Variants in CLASP2 observed in about 807,000 individuals in gnomAD.
CLASP2 encodes CLIP-associating protein 2.
Under a neutral mutation model 194.4 loss-of-function variants are expected in CLASP2, and 47 were observed. The observed-to-expected ratio is 0.24, with a 90% CI of 0.19 to 0.31. CLASP2 has a LOEUF of 0.31. Ranked by LOEUF, CLASP2 falls within the 10% of genes least tolerant of loss-of-function variation. The probability of loss-of-function intolerance (pLI) is 1.00; values close to 1 mark genes in which losing one functional copy is unlikely to be tolerated. For synonymous variants in CLASP2, 619 were observed against 633.5 expected, an observed-to-expected ratio of 0.98 and a Z score of 0.34; for missense variants, 1,445 against 1,823.6, an observed-to-expected ratio of 0.79 and a Z score of 3.78.
chr3:33,602,382 T>C, intron 18 of CLASP2: 1 of 619,300 alleles, frequency 1.6e-6, no homozygotes, highest in South Asian at 1.9e-5. Context: ...TCTGGCGATC[T>C]GCCTGCTTAG....
At chr3:33,517,276 G>T in intron 34 of CLASP2, 102 bp from the exon 35 acceptor site, 2 of 878,400 alleles carry the variant, frequency 2.3e-6, no homozygotes, top group Non-Finnish European at 3.3e-6. Context: ...TAACCATCAT[G>T]TTTGCTGTAA....
intron 7 of CLASP2, among the ~76,000 whole-genome samples, chr3:33,656,380 A>T (rs1328501627): frequency 6.6e-6 from 1 of 152,244 alleles, no homozygotes; most frequent in South Asian, 2.1e-4. Flanking sequence ...AGAAGGAAAT[A>T]TAAATAACCA....
intron 21 of CLASP2, among the ~76,000 whole-genome samples, chr3:33,589,366 AC>A (rs1336961758): frequency 6.6e-6 from 1 of 151,968 alleles, no homozygotes; most frequent in Non-Finnish European, 1.5e-5. Flanking sequence ...GATCTGAGAG[AC>A]TTTTTTTTTC....
intron 6 of CLASP2, among the ~76,000 whole-genome samples, chr3:33,671,374 G>C (rs762297221): frequency 1.3e-5 from 2 of 152,128 alleles, no homozygotes; most frequent in African/African-American, 2.4e-5. Flanking sequence ...AAAAAAGAGA[G>C]AGCAAGTAAC....
At chr3:33,508,450 C>A (rs985502174) in intron 37 of CLASP2, among the ~76,000 whole-genome samples, 5 of 152,134 alleles carry the variant, frequency 3.3e-5, no homozygotes, top group African/African-American at 1.2e-4. Flanking sequence ...CCCGCCCCAG[C>A]CTCCTGAGTA....
rs1336038451 is a variant in CLASP2 at position 33,576,225 on chromosome 3, C to T, written c.2398G>A (p.Ala800Thr). ...GAACCTGTGTTCAGGACTCGCATGG[C>T]ACTAACAGAAGACGACAGTCGACTT... ...QSSRLSSSVSAMRVLNTGSDV... is the reference protein window; with the variant it reads ...QSSRLSSSVSTMRVLNTGSDV... The change falls in exon 24 of 39, where the codon GCC becomes ACC. Residue 800 changes from alanine (A) to threonine (T), a missense_variant. Around this residue, in one of 4 missense-constraint regions of CLASP2, gnomAD observed 732 missense variants for 987.9 expected, o/e 0.74. Coordinates refer to ENST00000682230, the MANE Select transcript of CLASP2 (RefSeq NM_001365631.1). 2 of 1,613,856 alleles carry T rather than the reference C, an allele frequency of 1.2e-6. No homozygotes were observed. Among genetic ancestry groups the T allele is most frequent in the South Asian group, 2.2e-5 (2 of 91,068 alleles).
At chr3:33,658,817 C>T (rs902709340) in intron 7 of CLASP2, among the ~76,000 whole-genome samples, 2 of 152,178 alleles carry the variant, frequency 1.3e-5, no homozygotes, top group African/African-American at 4.8e-5. Flanking sequence ...GACATGCACA[C>T]ACATGCATAA....
intron 15 of CLASP2, among the ~76,000 whole-genome samples, chr3:33,607,084 T>C (rs1283693986): frequency 6.6e-6 from 1 of 152,202 alleles, no homozygotes; most frequent in Non-Finnish European, 1.5e-5. Flanking sequence ...AAATAACATA[T>C]AACAAGTACT....
At chr3:33,546,884 C>T (rs1478602442) in intron 30 of CLASP2, among the ~76,000 whole-genome samples, 2 of 152,104 alleles carry the variant, frequency 1.3e-5, no homozygotes, top group Non-Finnish European at 2.9e-5. Flanking sequence ...TGATGAAATC[C>T]AACTTATCTG....
intron 37 of CLASP2, among the ~76,000 whole-genome samples, chr3:33,508,529 A>G (rs2048918915): frequency 6.6e-6 from 1 of 152,050 alleles, no homozygotes; most frequent in African/African-American, 2.4e-5. Context: ...GGGTTTCACC[A>G]TGTTGGCCAG....
At chr3:33,522,226 C>T (rs1463549491) in intron 34 of CLASP2, among the ~76,000 whole-genome samples, 1 of 152,062 alleles carries the variant, frequency 6.6e-6, no homozygotes, top group East Asian at 1.9e-4. Context: ...TTTTTGGGAG[C>T]CAGACATTAA....
At chr3:33,708,385 T>C (rs1411264956) in intron 1 of CLASP2, among the ~76,000 whole-genome samples, 1 of 151,070 alleles carries the variant, frequency 6.6e-6, no homozygotes, top group East Asian at 1.9e-4. Flanking sequence ...TCCAGGTTCA[T>C]CCATGTTGTC....
intron 30 of CLASP2, among the ~76,000 whole-genome samples, chr3:33,546,032 C>T (rs1329517559): frequency 2.0e-5 from 3 of 152,074 alleles, no homozygotes; most frequent in Non-Finnish European, 2.9e-5. Context: ...TTAATATTTG[C>T]AGTTTGAAAA....
chr3:33,549,094 T>C (rs1427756474), intron 30 of CLASP2, among the ~76,000 whole-genome samples: 1 of 152,116 alleles, frequency 6.6e-6, no homozygotes, highest in Admixed American at 6.5e-5. Context: ...ACCCAGCACA[T>C]TTGTAATTCC....
At chr3:33,652,830 G>A (rs2083438833) in intron 7 of CLASP2, among the ~76,000 whole-genome samples, 2 of 151,862 alleles carry the variant, frequency 1.3e-5, no homozygotes, top group African/African-American at 4.9e-5. Flanking sequence ...CTACTCAGCT[G>A]CTCAGGCTCA....
At position 33,560,861 on chromosome 3, in the gene CLASP2, A is replaced by G. The variant is rs1471055017; in HGVS notation, c.2877T>C (p.Ala959=). ...LLTQLLKKMG[A]DLLGSVQAKV... is the part of the protein sequence containing the mutation. ...TTGCCTGAACAGATCCAAGCAAATC[A>G]GCACCCATTTTTTTTAGTAGTTGTG... Residue 959 remains alanine (A), a synonymous_variant, in exon 28 of 39, where the codon GCT becomes GCC. Coordinates refer to ENST00000682230, the MANE Select transcript of CLASP2 (RefSeq NM_001365631.1). 5 of 1,613,996 alleles carry G rather than the reference A, an allele frequency of 3.1e-6. No individual in the cohort carries two copies. Among genetic ancestry groups the G allele is most frequent in the East Asian group, 4.5e-5 (2 of 44,876 alleles).
chr3:33,539,951 CTT>C (rs1162263734), intron 32 of CLASP2, among the ~76,000 whole-genome samples: 24 of 146,004 alleles, frequency 1.6e-4, no homozygotes, highest in African/African-American at 6.1e-4. Flanking sequence ...GAGTTTCACT[CTT>C]GTTGCCCAGG....
chr3:33,717,770 G>T, intron 1 of CLASP2, 38 bp downstream of exon 1: 1 of 1,545,040 alleles, frequency 6.5e-7, no homozygotes, highest in Non-Finnish European at 8.7e-7. Flanking sequence ...GGCTGCCGCG[G>T]AGGGCGTGAC....
chr3:33,610,377 T>C (rs1018087180), intron 13 of CLASP2, among the ~76,000 whole-genome samples: 1 of 152,194 alleles, frequency 6.6e-6, no homozygotes, highest in African/African-American at 2.4e-5. Flanking sequence ...CTGAAACCTT[T>C]CATTTATCAT....
Sources: allele counts gnomAD v4.1 joint callset (sites outside exome capture counted in the v4.1 genomes callset), GRCh38; gene constraint gnomAD v4.1.1; regional missense constraint gnomAD v4.1.1; transcripts MANE v1.5; gene names NCBI Gene and HGNC (gene_info 2026-07-23, HGNC 2026-07-21).